CA5B: variants seen among roughly 807,000 people sequenced by gnomAD.
The protein encoded by CA5B is carbonic anhydrase 5B, mitochondrial.
CA5B carries 15 observed loss-of-function variants against 23.1 expected under a neutral mutation model. The ratio of observed to expected loss-of-function variants is 0.65; its 90% CI spans 0.43 to 1.00. The LOEUF (loss-of-function observed/expected upper bound fraction) is 1.00, where lower values mean the gene tolerates loss of function less well. Among genes scored for constraint, CA5B ranks in the 50% least tolerant of loss-of-function variants. CA5B has a pLI of 0.00. For missense variants in CA5B, 236 were observed against 252.2 expected, an observed-to-expected ratio of 0.94 and a Z score of 0.43; for synonymous variants, 84 against 98.5, an observed-to-expected ratio of 0.85 and a Z score of 0.87.
At chrX:15,753,971 T>G (rs1426186599) in intron 2 of CA5B, among the ~76,000 whole-genome samples, 1 of 112,722 alleles carries the variant, frequency 8.9e-6, no homozygotes, top group Non-Finnish European at 1.9e-5. Flanking sequence ...GCCTGCTGTC[T>G]GTCATGTGAT....
In CA5B at chrX:15,787,582, A is replaced by T. The variant is rs1932139155; in HGVS notation, c.*4918A>T. The T allele has an allele frequency of 8.9e-6, 1 of 112,761 alleles. No individual in the cohort carries two copies. Among genetic ancestry groups the T allele is most frequent in the Non-Finnish European group, 1.9e-5 (1 of 53,399 alleles). The allele number at this position is 112,761 out of a possible 1,213,427, so 9.3% of individuals were successfully genotyped here. A position where few individuals can be genotyped will look rare whatever the true frequency, so the allele number is the denominator to read the frequency against. ...AAGCAATTCAGGCCTATTTCTGAAAATGAATTCAGTGGTTAATTGTTAAAA... is the reference window on the plus strand; with the variant it reads ...AAGCAATTCAGGCCTATTTCTGAAATTGAATTCAGTGGTTAATTGTTAAAA... On this transcript the variant is annotated 3_prime_UTR_variant, in exon 8 of 8. Transcript: ENST00000318636.
chrX:15,750,336 C>G (rs919984695), intron 2 of CA5B, 171 bp downstream of exon 2: 1 of 421,032 alleles, frequency 2.4e-6, no homozygotes, highest in Non-Finnish European at 4.1e-6. Context: ...GCTATGCTGT[C>G]TTTGGCTTTC....
chrX:15,780,147 CTT>C (rs917809436), intron 7 of CA5B, among the ~76,000 whole-genome samples: 7 of 111,208 alleles, frequency 6.3e-5, no homozygotes, highest in Admixed American at 5.8e-4. Context: ...CTTCTGGTCT[CTT>C]GTCTGTCCAG....
chrX:15,752,898 G>A (rs1483938692), intron 2 of CA5B, among the ~76,000 whole-genome samples: 1 of 111,233 alleles, frequency 9.0e-6, no homozygotes, highest in Non-Finnish European at 1.9e-5. Flanking sequence ...ATCTTAACCT[G>A]AACATTCCCT....
intron 2 of CA5B, among the ~76,000 whole-genome samples, chrX:15,758,385 A>C (rs1249316295): frequency 8.9e-6 from 1 of 112,388 alleles, no homozygotes; most frequent in Non-Finnish European, 1.9e-5. Flanking sequence ...AAGGGTATTA[A>C]TCCCGTTCAT....
At chrX:15,740,251 T>C (rs1174274068) in intron 1 of CA5B, among the ~76,000 whole-genome samples, 2 of 112,329 alleles carry the variant, frequency 1.8e-5, no homozygotes, top group African/African-American at 6.5e-5. Context: ...GACAAACTTA[T>C]GTACGGACAG....
intron 1 of CA5B, among the ~76,000 whole-genome samples, chrX:15,749,644 A>ATT (rs1262965742): frequency 9.7e-6 from 1 of 103,062 alleles, no homozygotes. Flanking sequence ...TCCTGGAGCA[A>ATT]TTTTTTTTTT....
At chrX:15,749,511 T>TTTG (rs1025959509) in intron 1 of CA5B, among the ~76,000 whole-genome samples, 1 of 111,870 alleles carries the variant, frequency 8.9e-6, no homozygotes, top group African/African-American at 3.3e-5. Flanking sequence ...TTTTTGTTTT[T>TTTG]TTGTTGTTGT....
chrX:15,781,608 C>G (rs1932024982), intron 7 of CA5B, among the ~76,000 whole-genome samples: 1 of 111,406 alleles, frequency 9.0e-6, no homozygotes, highest in Admixed American at 9.6e-5. Context: ...AGCATCCTGT[C>G]TCCAGTTAAG....
intron 6 of CA5B, chrX:15,775,651 C>A (rs5936049): frequency 0.36 from 280,987 of 777,794 alleles, 36,415 homozygotes; most frequent in African/African-American, 0.5. Flanking sequence ...GGGAGCAGAG[C>A]GCAGTTCTAC....
intron 1 of CA5B, among the ~76,000 whole-genome samples, chrX:15,744,066 TCTGGAGCCCTCCTGCCCC>T (rs1480601824): frequency 1.8e-5 from 2 of 111,935 alleles, no homozygotes; most frequent in Non-Finnish European, 3.8e-5. Context: ...AGTCAGGCCC[TCTGGAGCCCTCCTGCCCC>T]CTAGCCCTAG....
chrX:15,752,120 C>T lies in CA5B; in HGVS notation c.142+1955C>T, dbSNP rs941518702. 2.0e-4 allele frequency among the ~76,000 whole-genome samples: 22 copies of T among 111,141 alleles called. 1 individual carries two copies. Among genetic ancestry groups the T allele is most frequent in the African/African-American group, 7.2e-4 (22 of 30,571 alleles). ...TGGGTTACAGCATGGTTTAGGGAGA[C>T]AGAAGTTACACGCAAGACATAAATC... On this transcript the variant is annotated intron_variant, in intron 2 of 7. Coordinates refer to ENST00000318636, the MANE Select transcript of CA5B (RefSeq NM_007220.4).
intron 2 of CA5B, among the ~76,000 whole-genome samples, chrX:15,756,559 A>G (rs921839559): frequency 1.8e-5 from 2 of 112,515 alleles, no homozygotes; most frequent in Non-Finnish European, 3.7e-5. Flanking sequence ...TAAGACTTGA[A>G]CTGGAAAAGA....
intron 1 of CA5B, among the ~76,000 whole-genome samples, chrX:15,749,422 A>T (rs895339101): frequency 8.9e-6 from 1 of 112,163 alleles, no homozygotes; most frequent in African/African-American, 3.2e-5. Flanking sequence ...AGAGTCATAG[A>T]TTATATTTAA....
At chrX:15,748,740 C>T (rs1931294154) in intron 1 of CA5B, among the ~76,000 whole-genome samples, 1 of 90,563 alleles carries the variant, frequency 1.1e-5, no homozygotes, top group Admixed American at 1.2e-4. Context: ...ACCCCCATCT[C>T]TAAAAAAAAT....
chrX:15,770,313 C>CA lies in CA5B; in HGVS notation c.341-2174dup, dbSNP rs1055793763. On this transcript the variant is annotated intron_variant, in intron 3 of 7. Coordinates refer to ENST00000318636, the MANE Select transcript of CA5B (RefSeq NM_007220.4). ...TGGGCAACAGAGTGAGACTCTGTCTCAAAAAAAAATTAAAAAATAAAAGAA... is the reference window on the plus strand; with the variant it reads ...TGGGCAACAGAGTGAGACTCTGTCTCAAAAAAAAAATTAAAAAATAAAAGAA... Among the ~76,000 whole-genome samples, 8 of 107,652 alleles carry CA rather than the reference C, an allele frequency of 7.4e-5. No individual in the cohort carries two copies. The East Asian group carries it at 8.6e-4, about 12-fold the overall frequency. The allele number at this position is 107,652 out of a possible 115,157, so 93.5% of individuals were successfully genotyped here.
In CA5B at chrX:15,774,543, A is replaced by G. The variant is rs974438700; in HGVS notation, c.555+146A>G. ...CTTGAAGTACAGGATTGTTAAGAAT[A>G]TATTTTAGGGCCAGGCATGGTGGCT... On this transcript the variant is annotated intron_variant, in intron 5 of 7. Coordinates refer to ENST00000318636, the MANE Select transcript of CA5B (RefSeq NM_007220.4). 2.0e-5 allele frequency: 15 copies of G among 760,390 alleles called. No homozygotes were observed. In the Admixed American group the frequency reaches 2.3e-4, roughly 12 times the overall value. 62.7% of individuals were successfully genotyped at this position (760,390 alleles called of 1,213,427 possible). A position where few individuals can be genotyped will look rare whatever the true frequency, so the allele number is the denominator to read the frequency against.
intron 3 of CA5B, among the ~76,000 whole-genome samples, chrX:15,772,097 TGAAAA>T (rs1931831676): frequency 1.8e-5 from 2 of 112,239 alleles, no homozygotes; most frequent in Admixed American, 9.5e-5. Flanking sequence ...CTTCAAAACT[TGAAAA>T]GCAAAGTGTC....
At chrX:15,765,913 T>G (rs1433852287) in intron 3 of CA5B, among the ~76,000 whole-genome samples, 2 of 110,030 alleles carry the variant, frequency 1.8e-5, no homozygotes, top group Admixed American at 2.0e-4. Flanking sequence ...TCTCAGCATT[T>G]TGGGAGGCCG....
Sources: allele counts gnomAD v4.1 joint callset (sites outside exome capture counted in the v4.1 genomes callset), GRCh38; gene constraint gnomAD v4.1.1; transcripts MANE v1.5; gene names NCBI Gene and HGNC (gene_info 2026-07-23, HGNC 2026-07-21).